The following LUZP2 variants were observed in gnomAD, a reference collection of about 807,000 sequenced individuals.
LUZP2 encodes leucine zipper protein 2.
LUZP2 carries 52 observed loss-of-function variants against 51.6 expected under a neutral mutation model. The observed-to-expected ratio is 1.01, with a 90% CI of 0.81 to 1.27. The LOEUF is 1.27. Ranked by LOEUF, LUZP2 falls within the 50% of genes most tolerant of loss-of-function variation. The pLI, the probability that LUZP2 is intolerant of heterozygous loss-of-function variation, is 0.00. For missense variants in LUZP2, 436 were observed against 395.4 expected, an observed-to-expected ratio of 1.10 and a Z score of -0.87; for synonymous variants, 154 against 137.3, an observed-to-expected ratio of 1.12 and a Z score of -0.85.
chr11:24,835,739 G>T (rs1207458761), intron 5 of LUZP2, among the ~76,000 whole-genome samples: 3 of 152,000 alleles, frequency 2.0e-5, no homozygotes, highest in Admixed American at 1.3e-4. Flanking sequence ...GAGAAATGTT[G>T]TAATTATTAA....
chr11:24,757,064 T>G (rs1198229648), intron 4 of LUZP2, among the ~76,000 whole-genome samples: 1 of 152,168 alleles, frequency 6.6e-6, no homozygotes, highest in Non-Finnish European at 1.5e-5. Context: ...ATGCCATCCC[T>G]GGGCATGTGG....
In LUZP2 at chr11:24,780,621, C is replaced by A. The variant is rs537254263; in HGVS notation, c.396+17313C>A. 2.8e-4 allele frequency among the ~76,000 whole-genome samples: 42 copies of A among 152,204 alleles called. No individual in the cohort carries two copies. In the South Asian group the frequency reaches 7.1e-3, roughly 26 times the overall value. On this transcript the variant is annotated intron_variant, in intron 5 of 11. Coordinates refer to ENST00000336930, the MANE Select transcript of LUZP2 (RefSeq NM_001009909.4). ...TTGATGATGATGATGATCGTAATAA[C>A]AACAGTTTACCAGTATTTACTCTGT... is the stretch of plus-strand genomic sequence containing the variant.
chr11:24,850,860 G>C (rs1851371441), intron 5 of LUZP2, among the ~76,000 whole-genome samples: 1 of 152,090 alleles, frequency 6.6e-6, no homozygotes, highest in Non-Finnish European at 1.5e-5. Flanking sequence ...GTATTCCTAG[G>C]TATTTTAATC....
At chr11:24,581,197 CAAAAA>C (rs74259786) in intron 1 of LUZP2, among the ~76,000 whole-genome samples, 2 of 70,244 alleles carry the variant, frequency 2.8e-5, no homozygotes, top group African/African-American at 4.7e-5. Flanking sequence ...TTTCACTGGC[CAAAAA>C]AAAAAAAAAA....
chr11:24,804,191 T>G (rs1849784458), intron 5 of LUZP2, among the ~76,000 whole-genome samples: 1 of 152,068 alleles, frequency 6.6e-6, no homozygotes, highest in African/African-American at 2.4e-5. Flanking sequence ...CCAAATACAT[T>G]TTTCTTATTA....
intron 1 of LUZP2, among the ~76,000 whole-genome samples, chr11:24,686,971 G>C (rs1856913829): frequency 6.6e-6 from 1 of 152,060 alleles, no homozygotes; most frequent in Admixed American, 6.6e-5. Flanking sequence ...TTGGTCACTG[G>C]TGCCCCAAGG....
intron 1 of LUZP2, among the ~76,000 whole-genome samples, chr11:24,554,122 A>G (rs1196957351): frequency 6.6e-6 from 1 of 152,196 alleles, no homozygotes; most frequent in Non-Finnish European, 1.5e-5. Context: ...TATCCCGTCT[A>G]CGGTGCTAAG....
In LUZP2 at chr11:25,035,356, T is replaced by G. The variant is rs117171387; in HGVS notation, c.766-14682T>G. ...CAGCAGTTTCAGGATACAAAATCAA[T>G]GTACGAAAATCAGTAGCATTTCTAC... On this transcript the variant is annotated intron_variant, in intron 9 of 11. Transcript: ENST00000336930. Among the ~76,000 whole-genome samples, 1,191 of 152,210 alleles carry G rather than the reference T, an allele frequency of 7.8e-3. 32 individuals carry two copies. The East Asian group carries it at 0.099, about 13-fold the overall frequency.
intron 5 of LUZP2, among the ~76,000 whole-genome samples, chr11:24,842,228 A>G (rs1029834211): frequency 6.7e-6 from 1 of 149,008 alleles, no homozygotes; most frequent in Non-Finnish European, 1.5e-5. Context: ...TTATTAGTTC[A>G]TAATTTAAAT....
At chr11:24,604,020 T>A (rs1431180938) in intron 1 of LUZP2, among the ~76,000 whole-genome samples, 5 of 151,788 alleles carry the variant, frequency 3.3e-5, no homozygotes, top group Non-Finnish European at 4.4e-5. Context: ...GGGCATAAAT[T>A]TAGATCTGTA....
chr11:24,963,757 G>A (rs546936938), intron 7 of LUZP2, among the ~76,000 whole-genome samples: 137 of 152,162 alleles, frequency 9.0e-4, no homozygotes, highest in African/African-American at 3.2e-3. Context: ...GCTCGTGCAC[G>A]GTGCGCTGCA....
chr11:24,610,624 G>T (rs1292680132), intron 1 of LUZP2, among the ~76,000 whole-genome samples: 1 of 152,134 alleles, frequency 6.6e-6, no homozygotes, highest in Middle Eastern at 3.2e-3. Flanking sequence ...TCTACTTAAA[G>T]AGTAAACTTT....
Position 25,077,240 on chromosome 11 carries a change from C to A in LUZP2, c.859-89C>A. ...GATCAAAGTGATAGAATCTTCTCAA[C>A]AGGAAGAATTCAAGAGAGTGTTTTT... On this transcript the variant is annotated intron_variant, in intron 10 of 11. Coordinates refer to ENST00000336930, the MANE Select transcript of LUZP2 (RefSeq NM_001009909.4). The A allele has an allele frequency of 5.2e-6, 5 of 964,328 alleles. No individual in the cohort carries two copies. The South Asian group carries it at 6.4e-5, about 12-fold the overall frequency. The allele number at this position is 964,328 out of a possible 1,614,324, so 59.7% of individuals were successfully genotyped here.
chr11:24,709,544 A>T (rs1230102503), intron 1 of LUZP2, among the ~76,000 whole-genome samples: 1 of 152,186 alleles, frequency 6.6e-6, no homozygotes, highest in Non-Finnish European at 1.5e-5. Context: ...TGTAGTTATC[A>T]TATGCCTATT....
At chr11:24,550,246 TA>T (rs1350650268) in intron 1 of LUZP2, among the ~76,000 whole-genome samples, 12 of 152,260 alleles carry the variant, frequency 7.9e-5, no homozygotes, top group African/African-American at 2.6e-4. Context: ...CACATTTATG[TA>T]TTAAAAACAT....
At chr11:24,964,202 C>T (rs1446629581) in intron 7 of LUZP2, among the ~76,000 whole-genome samples, 2 of 152,110 alleles carry the variant, frequency 1.3e-5, no homozygotes, top group Non-Finnish European at 2.9e-5. Context: ...TTACTTATCT[C>T]TTAGGATTAA....
intron 4 of LUZP2, among the ~76,000 whole-genome samples, chr11:24,761,140 T>C (rs1173625522): frequency 6.6e-6 from 1 of 152,074 alleles, no homozygotes. Context: ...ACTGGGTAAT[T>C]TATAAAGAAA....
chr11:24,708,921 A>G (rs1235731965), intron 1 of LUZP2, among the ~76,000 whole-genome samples: 1 of 152,332 alleles, frequency 6.6e-6, no homozygotes, highest in Non-Finnish European at 1.5e-5. Context: ...GCTGGTCCAC[A>G]GCCCAGCTCT....
intron 6 of LUZP2, among the ~76,000 whole-genome samples, chr11:24,909,422 C>G (rs1853555421): frequency 6.6e-6 from 1 of 151,584 alleles, no homozygotes; most frequent in Non-Finnish European, 1.5e-5. Flanking sequence ...AATTGACATG[C>G]AGTTTGGCAA....
Sources: allele counts gnomAD v4.1 joint callset (sites outside exome capture counted in the v4.1 genomes callset), GRCh38; gene constraint gnomAD v4.1.1; transcripts MANE v1.5; gene names NCBI Gene and HGNC (gene_info 2026-07-23, HGNC 2026-07-21).